The following STAU2 variants were observed in gnomAD, a reference collection of about 807,000 sequenced individuals.
The protein encoded by STAU2 is double-stranded RNA-binding protein Staufen homolog 2.
STAU2 carries 20 observed loss-of-function variants against 65.9 expected under a neutral mutation model. That is an observed-to-expected ratio of 0.30 (90% CI 0.21 to 0.44). STAU2 has a LOEUF of 0.44. Ranked by LOEUF, STAU2 falls within the 20% of genes least tolerant of loss-of-function variation. The pLI, the probability that STAU2 is intolerant of heterozygous loss-of-function variation, is 1.00. For synonymous variants in STAU2, 232 were observed against 233.9 expected, an observed-to-expected ratio of 0.99 and a Z score of 0.07; for missense variants, 558 against 683.9, an observed-to-expected ratio of 0.82 and a Z score of 2.05.
At chr8:73,513,596 T>G (rs1563395587) in intron 13 of STAU2, among the ~76,000 whole-genome samples, 1 of 152,082 alleles carries the variant, frequency 6.6e-6, no homozygotes, top group South Asian at 2.1e-4. Flanking sequence ...GTGTTTGAAG[T>G]GTTTTGGTGA....
At chr8:73,565,598 A>C (rs1231024009) in intron 12 of STAU2, among the ~76,000 whole-genome samples, 1 of 152,212 alleles carries the variant, frequency 6.6e-6, no homozygotes, top group Non-Finnish European at 1.5e-5. Flanking sequence ...GGTGGTAGGA[A>C]GTACTGCTTA....
intron 13 of STAU2, among the ~76,000 whole-genome samples, chr8:73,519,270 A>G (rs1249865832): frequency 2.6e-5 from 4 of 152,166 alleles, no homozygotes. Context: ...TTATTATGCA[A>G]TGTCACTTAA....
At chr8:73,441,804 C>A (rs545406403) in intron 13 of STAU2, among the ~76,000 whole-genome samples, 1 of 152,086 alleles carries the variant, frequency 6.6e-6, no homozygotes, top group Non-Finnish European at 1.5e-5. Flanking sequence ...GAATGTTGGC[C>A]GTTCAAATGA....
chr8:73,701,600 G>A (rs1448932698), intron 4 of STAU2, among the ~76,000 whole-genome samples: 4 of 152,096 alleles, frequency 2.6e-5, no homozygotes, highest in African/African-American at 7.2e-5. Context: ...GCAAGGTTGT[G>A]GAGAAAAGGG....
intron 13 of STAU2, among the ~76,000 whole-genome samples, chr8:73,482,354 T>A (rs765375911): frequency 3.3e-4 from 50 of 150,046 alleles, no homozygotes; most frequent in Non-Finnish European, 6.1e-4. Flanking sequence ...AAAAAAAAAC[T>A]GTCTTTTTTT....
chr8:73,667,427 GA>G (rs1817319842), intron 6 of STAU2, among the ~76,000 whole-genome samples: 2 of 152,024 alleles, frequency 1.3e-5, no homozygotes, highest in African/African-American at 4.8e-5. Flanking sequence ...CAGACTTACC[GA>G]ACTGTTTCTA....
chr8:73,694,409 T>G (rs958681154), intron 4 of STAU2, among the ~76,000 whole-genome samples: 2 of 152,194 alleles, frequency 1.3e-5, no homozygotes, highest in Non-Finnish European at 2.9e-5. Flanking sequence ...CACAGGACAT[T>G]TACCAAGACA....
chr8:73,562,829 TG>T (rs1808326153), intron 12 of STAU2, among the ~76,000 whole-genome samples: 1 of 151,902 alleles, frequency 6.6e-6, no homozygotes, highest in Non-Finnish European at 1.5e-5. Context: ...TATTAAGTAC[TG>T]GGCTGGGTGC....
chr8:73,586,113 C>G (rs1810347409), intron 11 of STAU2, among the ~76,000 whole-genome samples: 1 of 152,050 alleles, frequency 6.6e-6, no homozygotes, highest in Non-Finnish European at 1.5e-5. Flanking sequence ...TAGGAGGCAA[C>G]AGCAGGAGGT....
chr8:73,506,171 A>C (rs1822055618), intron 13 of STAU2, among the ~76,000 whole-genome samples: 2 of 152,192 alleles, frequency 1.3e-5, no homozygotes, highest in Admixed American at 6.5e-5. Flanking sequence ...CACGTGTTCC[A>C]TTGTGAGTAG....
intron 13 of STAU2, among the ~76,000 whole-genome samples, chr8:73,546,512 C>A (rs1269363678): frequency 3.3e-5 from 5 of 152,180 alleles, no homozygotes; most frequent in African/African-American, 7.2e-5. Flanking sequence ...GTAATGCCTA[C>A]TTCACTATGG....
intron 13 of STAU2, among the ~76,000 whole-genome samples, chr8:73,471,846 A>G (rs1346260351): frequency 7.1e-6 from 1 of 140,188 alleles, no homozygotes; most frequent in Non-Finnish European, 1.5e-5. Flanking sequence ...AAGAGAGAAG[A>G]AGGAGAAGGA....
chr8:73,692,590 G>C (rs532482175), intron 4 of STAU2, among the ~76,000 whole-genome samples: 1 of 152,272 alleles, frequency 6.6e-6, no homozygotes, highest in African/African-American at 2.4e-5. Context: ...CCTGAGTCTT[G>C]TGAGCTGTTT....
chr8:73,645,557 A>G (rs1421224144), intron 6 of STAU2, among the ~76,000 whole-genome samples: 1 of 152,238 alleles, frequency 6.6e-6, no homozygotes, highest in African/African-American at 2.4e-5. Context: ...CTACTCTTAC[A>G]CAACACAGTG....
At chr8:73,505,128 C>T (rs1277616276) in intron 13 of STAU2, among the ~76,000 whole-genome samples, 1 of 152,074 alleles carries the variant, frequency 6.6e-6, no homozygotes, top group Non-Finnish European at 1.5e-5. Flanking sequence ...TGGCAAAAAC[C>T]TAAGTCATCG....
At chr8:73,619,493 G>A (rs768048428) in intron 6 of STAU2, among the ~76,000 whole-genome samples, 4 of 152,158 alleles carry the variant, frequency 2.6e-5, no homozygotes, top group Admixed American at 6.5e-5. Context: ...AAGTAGTGAC[G>A]CTCTATGTCC....
At chr8:73,747,297 C>T, upstream of STAU2, 1 of 1,468,996 alleles carries the variant, frequency 6.8e-7, no homozygotes. Flanking sequence ...CAGCCCCTTC[C>T]ACACCTGCAA....
chr8:73,496,800 A>G lies in STAU2; in HGVS notation c.1530+55212T>C, dbSNP rs958022840. ...GTGCTGCCTTTCAAATCCAGTGTGC[A>G]TTTTATGCTTGGAGCACACATCCCA... On this transcript the variant is annotated intron_variant, in intron 13 of 14. Transcript: ENST00000524300. Among the ~76,000 whole-genome samples, 8 of 151,792 alleles carry G rather than the reference A, an allele frequency of 5.3e-5. No homozygotes were observed. In the East Asian group the frequency reaches 1.4e-3, roughly 26 times the overall value.
At chr8:73,436,799 C>T (rs1817728554) in intron 13 of STAU2, among the ~76,000 whole-genome samples, 1 of 151,958 alleles carries the variant, frequency 6.6e-6, no homozygotes, top group Admixed American at 6.6e-5. Context: ...GTTGGCCGGG[C>T]TGGTCTCAAA....
Sources: gnomAD v4.1 joint callset for allele counts (sites outside exome capture counted in the v4.1 genomes callset) on GRCh38, gnomAD v4.1.1 for gene constraint, MANE v1.5 for transcripts, NCBI Gene and HGNC (gene_info 2026-07-23, HGNC 2026-07-21) for gene names.